Variants in VAPB observed in about 807,000 individuals in gnomAD.
The protein encoded by VAPB is vesicle-associated membrane protein-associated protein B/C.
VAPB carries 7 observed loss-of-function variants against 25.6 expected under a neutral mutation model. That is an observed-to-expected ratio of 0.27 (90% confidence interval 0.16 to 0.51). VAPB has a LOEUF of 0.51. VAPB is among the 20% of genes least tolerant of loss of function. VAPB has a pLI of 0.97. For missense variants in VAPB, 266 were observed against 301.3 expected (o/e 0.88, Z 0.87); for synonymous variants, 112 against 109.2 (o/e 1.03, Z -0.16).
chr20:58,418,181 C>A (rs1214763732), intron 1 of VAPB, 30 bp from the exon 2 acceptor site: 3 of 1,613,796 alleles, frequency 1.9e-6, no homozygotes, highest in Non-Finnish European at 2.5e-6. Flanking sequence ...CCTCATGAGA[C>A]CCCCAATCAG....
intron 1 of VAPB, among the ~76,000 whole-genome samples, chr20:58,399,906 C>T (rs541281440): frequency 3.6e-4 from 55 of 152,246 alleles, no homozygotes; most frequent in African/African-American, 1.3e-3. Context: ...CAATACCTGT[C>T]GTGCAAACTA....
intron 2 of VAPB, among the ~76,000 whole-genome samples, chr20:58,422,892 G>A (rs1301224786): frequency 1.3e-5 from 2 of 152,132 alleles, no homozygotes; most frequent in African/African-American, 2.4e-5. Context: ...GTGGAGGGGG[G>A]CATTGGAAAG....
In VAPB at chr20:58,449,914, A is replaced by T; in HGVS notation, c.*5679A>T. ...TCACTGATACCCAAAGCCATGTCTG[A>T]CTGAAATAAAACAGGTTCCCTTTTT... On this transcript the variant is annotated 3_prime_UTR_variant, in exon 6 of 6. Coordinates refer to ENST00000475243, the MANE Select transcript of VAPB (RefSeq NM_004738.5). The T allele has an allele frequency of 4.4e-6, 2 of 454,090 alleles. No individual in the cohort carries two copies. Among genetic ancestry groups the T allele is most frequent in the Non-Finnish European group, 8.8e-6 (2 of 226,788 alleles). The allele number at this position is 454,090 out of a possible 1,614,324, so 28.1% of individuals were successfully genotyped here. A position where few individuals can be genotyped will look rare whatever the true frequency, so the allele number is the denominator to read the frequency against.
At chr20:58,433,538 T>A (rs924719883) in intron 2 of VAPB, among the ~76,000 whole-genome samples, 1 of 152,236 alleles carries the variant, frequency 6.6e-6, no homozygotes, top group African/African-American at 2.4e-5. Context: ...TTGTGGTGGC[T>A]GTGAACTTAG....
chr20:58,430,411 A>G (rs6015271), intron 2 of VAPB, among the ~76,000 whole-genome samples: 50,726 of 151,154 alleles, frequency 0.34, 8,830 homozygotes, highest in African/African-American at 0.35. Flanking sequence ...ACAGGTGCCC[A>G]CCACCGTGCC....
Position 58,449,495 on chromosome 20 carries a change from G to A in VAPB, c.*5260G>A, listed in dbSNP as rs901316396. ...ATTAGAAAATGTCTGTGTTAAATCC[G>A]TAGAAAAGGAAGAAAAGTGTAGCAA... On this transcript the variant is annotated 3_prime_UTR_variant, in exon 6 of 6. Transcript: ENST00000475243. The A allele has an allele frequency of 8.8e-6, 4 of 453,066 alleles. No homozygotes were observed. The highest frequency in any genetic ancestry group is 2.4e-5 in the Admixed American group (1 of 42,494). The allele number at this position is 453,066 out of a possible 1,614,324, so 28.1% of individuals were successfully genotyped here.
chr20:58,430,537 G>A (rs1281610451), intron 2 of VAPB, among the ~76,000 whole-genome samples: 2 of 152,026 alleles, frequency 1.3e-5, no homozygotes, highest in African/African-American at 2.4e-5. Context: ...TGGGATTACA[G>A]CCATGAGCTG....
At position 58,445,487 on chromosome 20, in the gene VAPB, C is replaced by CTATGTA. The variant is rs1433382327; in HGVS notation, c.*1252_*1253insTATGTA. On this transcript the variant is annotated 3_prime_UTR_variant, in exon 6 of 6. Coordinates refer to ENST00000475243, the MANE Select transcript of VAPB (RefSeq NM_004738.5). ...TTAATTTTATGCCATAAAAGACCAACCCAGTTCTGTTTGACTATGTAGCAT... is the reference window on the plus strand; with the variant it reads ...TTAATTTTATGCCATAAAAGACCAACTATGTACCAGTTCTGTTTGACTATGTAGCAT... 3 of 454,332 alleles carry CTATGTA rather than the reference C, an allele frequency of 6.6e-6. No homozygotes were observed. The highest frequency in any genetic ancestry group is 1.3e-5 in the Non-Finnish European group (3 of 226,764). The allele number at this position is 454,332 out of a possible 1,614,324, so 28.1% of individuals were successfully genotyped here. A position where few individuals can be genotyped will look rare whatever the true frequency, so the allele number is the denominator to read the frequency against.
chr20:58,419,183 T>A (rs908238065), intron 2 of VAPB, among the ~76,000 whole-genome samples: 1 of 152,234 alleles, frequency 6.6e-6, no homozygotes, highest in African/African-American at 2.4e-5. Flanking sequence ...AAGCTACTGC[T>A]CATTTGAAAT....
In VAPB at chr20:58,448,536, CT is replaced by C. The variant is rs536996969; in HGVS notation, c.*4306del. Reference sequence around the variant, plus strand: ...GGCTCCAGGAGGTTAAATCGGGCAACTTTTTAGAACTAAATCAGTCTCTGTA... The same window carrying C: ...GGCTCCAGGAGGTTAAATCGGGCAACTTTTAGAACTAAATCAGTCTCTGTA... On this transcript the variant is annotated 3_prime_UTR_variant, in exon 6 of 6. Transcript: ENST00000475243. 5.6e-4 allele frequency: 256 copies of C among 454,044 alleles called. No homozygotes were observed. The highest frequency in any genetic ancestry group is 4.8e-3 in the African/African-American group (239 of 50,102). 28.1% of individuals were successfully genotyped at this position (454,044 alleles called of 1,614,324 possible). A position where few individuals can be genotyped will look rare whatever the true frequency, so the allele number is the denominator to read the frequency against.
rs372873027 is a variant in VAPB at position 58,427,197 on chromosome 20, A to T, written c.212-7405A>T. Among the ~76,000 whole-genome samples, 8 of 151,518 alleles carry T rather than the reference A, an allele frequency of 5.3e-5. No individual in the cohort carries two copies. The East Asian group carries it at 1.4e-3, about 26-fold the overall frequency. On this transcript the variant is annotated intron_variant, in intron 2 of 5. Transcript: ENST00000475243. Reference sequence around the variant, plus strand: ...AAGTGATCTGTGATCTGTTACCATTATGATGCAGGCGAAAGTGATCCGTGA... The same window carrying T: ...AAGTGATCTGTGATCTGTTACCATTTTGATGCAGGCGAAAGTGATCCGTGA...
chr20:58,418,704 A>G (rs1600797120), intron 2 of VAPB, among the ~76,000 whole-genome samples: 1 of 152,188 alleles, frequency 6.6e-6, no homozygotes, highest in East Asian at 1.9e-4. Context: ...TTGGCAATAA[A>G]TAAAAAAGGG....
At chr20:58,395,851 T>A (rs73295002) in intron 1 of VAPB, among the ~76,000 whole-genome samples, 15,515 of 152,240 alleles carry the variant, frequency 0.1, 960 homozygotes, top group East Asian at 0.26. Context: ...AAGAGTTGTT[T>A]AAAGAGCTTT....
At chr20:58,440,283 T>TA (rs1290281646) in intron 4 of VAPB, 1 of 153,018 alleles carries the variant, frequency 6.5e-6, no homozygotes, top group Non-Finnish European at 1.5e-5. Flanking sequence ...CAGTTACTCT[T>TA]TCCCTGACAA....
intron 1 of VAPB, among the ~76,000 whole-genome samples, chr20:58,406,803 C>T (rs1988238863): frequency 6.6e-6 from 1 of 152,188 alleles, no homozygotes; most frequent in Non-Finnish European, 1.5e-5. Context: ...CTAACTTGAG[C>T]ATATTATCTG....
rs1378235969 is a variant in VAPB, at chr20:58,448,569, A to G, written c.*4334A>G. 2.2e-6 allele frequency: 1 copy of G among 454,104 alleles called. No homozygotes were observed. The highest frequency in any genetic ancestry group is 6.9e-5 in the East Asian group (1 of 14,392). 28.1% of individuals were successfully genotyped at this position (454,104 alleles called of 1,614,324 possible). A position where few individuals can be genotyped will look rare whatever the true frequency, so the allele number is the denominator to read the frequency against. On this transcript the variant is annotated 3_prime_UTR_variant, in exon 6 of 6. Transcript: ENST00000475243. ...AACTAAATCAGTCTCTGTAAGGCCT[A>G]CATTGCTAAGATACCATTTCAGCTC...
chr20:58,410,941 C>G (rs1440954950), intron 1 of VAPB, among the ~76,000 whole-genome samples: 2 of 152,192 alleles, frequency 1.3e-5, no homozygotes, highest in Non-Finnish European at 2.9e-5. Flanking sequence ...TATCCACTCA[C>G]AAAATGCTTC....
In VAPB at chr20:58,444,104, A is replaced by T. The variant is rs757786343; in HGVS notation, c.601A>T (p.Thr201Ser). 6.2e-7 allele frequency: 1 copy of T among 1,614,222 alleles called. No individual in the cohort carries two copies. Among genetic ancestry groups the T allele is most frequent in the East Asian group, 2.2e-5 (1 of 44,882 alleles). ...AGAAGATGGACTGCGGATGAGGAAG[A>T]CAGTGCAGAGCAACAGCCCCATTTC... ...KEEDGLRMRK[T>S]VQSNSPISAL... The change falls in exon 6 of 6, where the codon ACA becomes TCA. Residue 201 changes from threonine (T) to serine (S), a missense_variant. By Grantham distance (58) the Thr-to-Ser change is moderately conservative. Transcript: ENST00000475243.
chr20:58,420,121 G>A (rs930685854), intron 2 of VAPB, among the ~76,000 whole-genome samples: 2 of 152,078 alleles, frequency 1.3e-5, no homozygotes, highest in Non-Finnish European at 2.9e-5. Context: ...GAGTAGCTAG[G>A]ATTACAGGTG....
Sources: gnomAD v4.1 joint callset for allele counts (sites outside exome capture counted in the v4.1 genomes callset) on GRCh38, gnomAD v4.1.1 for gene constraint, MANE v1.5 for transcripts, NCBI Gene and HGNC (gene_info 2026-07-23, HGNC 2026-07-21) for gene names.